GHRHR: variants seen among roughly 807,000 people sequenced by gnomAD.
The protein encoded by GHRHR is growth hormone-releasing hormone receptor.
A neutral mutation model predicts 58.3 loss-of-function variants in GHRHR; 40 were observed. The observed-to-expected ratio is 0.69, with a 90% CI of 0.53 to 0.89. GHRHR has a LOEUF of 0.89. GHRHR is among the 40% of genes least tolerant of loss of function. The probability of loss-of-function intolerance (pLI) is 0.00; values close to 1 mark genes in which losing one functional copy is unlikely to be tolerated. For synonymous variants in GHRHR, 249 were observed against 216.6 expected, an observed-to-expected ratio of 1.15 and a Z score of -1.31; for missense variants, 551 against 541.3, an observed-to-expected ratio of 1.02 and a Z score of -0.18.
intron 10 of GHRHR, among the ~76,000 whole-genome samples, chr7:30,976,227 G>T (rs1011803516): frequency 2.0e-5 from 3 of 152,136 alleles, no homozygotes; most frequent in African/African-American, 7.2e-5. Flanking sequence ...ATAAACTGGG[G>T]CAATAACAGT....
At chr7:30,974,669 G>A (rs1262983259) in intron 8 of GHRHR, among the ~76,000 whole-genome samples, 180 bp downstream of exon 8, 13 of 152,064 alleles carry the variant, frequency 8.5e-5, no homozygotes, top group Non-Finnish European at 1.8e-4. Context: ...AGGCAGGAGA[G>A]TGGAGCTCAG....
chr7:30,969,718 G>T, intron 3 of GHRHR, 149 bp from the exon 4 acceptor site: 2 of 784,702 alleles, frequency 2.5e-6, no homozygotes, highest in African/African-American at 1.7e-5. Flanking sequence ...CTAGACCTGG[G>T]CCCCAGGCCT....
In GHRHR at chr7:30,979,418, T is replaced by G; in HGVS notation, c.*174T>G. 1.6e-6 allele frequency: 1 copy of G among 641,244 alleles called. No individual in the cohort carries two copies. The highest frequency in any genetic ancestry group is 2.8e-6 in the Non-Finnish European group (1 of 353,064). 39.7% of individuals were successfully genotyped at this position (641,244 alleles called of 1,614,324 possible). Reference sequence around the variant, plus strand: ...CTGACTCTCTTTTGAGGTCCCTGTATGTCTACCTCTGACTTCTGTGGTCCC... The same window carrying G: ...CTGACTCTCTTTTGAGGTCCCTGTAGGTCTACCTCTGACTTCTGTGGTCCC... On this transcript the variant is annotated 3_prime_UTR_variant, in exon 13 of 13. Coordinates refer to ENST00000326139, the MANE Select transcript of GHRHR (RefSeq NM_000823.4).
At chr7:30,977,155 C>T in intron 11 of GHRHR, 126 bp from the exon 12 acceptor site, 1 of 870,784 alleles carries the variant, frequency 1.1e-6, no homozygotes, top group Non-Finnish European at 2.0e-6. Context: ...TTAAATTCCC[C>T]TTTCAATCAA....
chr7:30,965,859 C>CGGA (rs947982511), intron 1 of GHRHR, among the ~76,000 whole-genome samples: 10 of 152,226 alleles, frequency 6.6e-5, no homozygotes, highest in Middle Eastern at 3.2e-3. Flanking sequence ...TCTTCCTTCC[C>CGGA]CGCTTTGTGC....
rs373359520 is a variant in GHRHR at position 30,965,102 on chromosome 7, CG to C, written c.57+980del. ...TTAAAAGAGAAAATATCCGCTGGCC[CG>C]GGTCACTGTGCATTGAGTGGAATCT... On this transcript the variant is annotated intron_variant, in intron 1 of 12. Transcript: ENST00000326139. Among the ~76,000 whole-genome samples the C allele has an allele frequency of 4.4e-3, 676 of 152,266 alleles. 6 individuals are homozygous for C. The highest frequency in any genetic ancestry group is 0.015 in the African/African-American group (637 of 41,542).
rs974142996 is a variant in GHRHR at position 30,974,065 on chromosome 7, C to T, written c.678C>T (p.Tyr226=). The change falls in exon 7 of 13, where the codon TAC becomes TAT. Residue 226 remains tyrosine (Y), a synonymous_variant. Coordinates refer to ENST00000326139, the MANE Select transcript of GHRHR (RefSeq NM_000823.4). ...NFSWLLAEAV[Y]LNCLLASTSP... is the part of the protein sequence containing the mutation. Reference sequence around the variant, plus strand: ...GCTGGCTGTTGGCAGAAGCCGTCTACCTGAACTGCCTCCTGGCCTCCACCT... The same window carrying T: ...GCTGGCTGTTGGCAGAAGCCGTCTATCTGAACTGCCTCCTGGCCTCCACCT... 1 of 1,614,118 alleles carries T rather than the reference C, an allele frequency of 6.2e-7. No individual in the cohort carries two copies. The highest frequency in any genetic ancestry group is 8.5e-7 in the Non-Finnish European group (1 of 1,179,994).
chr7:30,966,090 G>A (rs1160377691), intron 1 of GHRHR, among the ~76,000 whole-genome samples: 1 of 152,216 alleles, frequency 6.6e-6, no homozygotes, highest in Non-Finnish European at 1.5e-5. Context: ...CATGGGGTCA[G>A]CAGGGCGGGA....
rs753601167 is a variant in GHRHR at position 30,969,884 on chromosome 7, T to C, written c.286T>C (p.Cys96Arg). ...CCTCCCAGGGGCTGTGAAACGGGAT[T>C]GTACTATCACTGGCTGGTCTGAGCC... is the stretch of plus-strand genomic sequence containing the variant. ...SSESGAVKRD[C>R]TITGWSEPFP... Residue 96 changes from cysteine to arginine, a missense_variant, in exon 4 of 13, where the codon TGT (cysteine) becomes CGT (arginine). Physicochemically the swap from Cys to Arg is radical, Grantham distance 180. Transcript: ENST00000326139. 3.7e-6 allele frequency: 6 copies of C among 1,612,362 alleles called. No individual in the cohort carries two copies. The highest frequency in any genetic ancestry group is 1.7e-5 in the Admixed American group (1 of 59,998).
At chr7:30,972,240 C>A in intron 6 of GHRHR, 145 bp downstream of exon 6, 1 of 795,864 alleles carries the variant, frequency 1.3e-6, no homozygotes, top group South Asian at 1.6e-5. Flanking sequence ...GGAAAATGCT[C>A]CTTTCCCATG....
At chr7:30,977,810 G>A (rs768201339) in intron 12 of GHRHR, among the ~76,000 whole-genome samples, 7 of 152,274 alleles carry the variant, frequency 4.6e-5, no homozygotes, top group South Asian at 4.1e-4. Context: ...AACAGAGAGA[G>A]CACCTAAAGA....
At chr7:30,978,754 C>A (rs541502860) in intron 12 of GHRHR, among the ~76,000 whole-genome samples, 1 of 152,264 alleles carries the variant, frequency 6.6e-6, no homozygotes, top group Admixed American at 6.5e-5. Context: ...TTTCCAGTGG[C>A]CAGAGTTGAG....
Position 30,968,816 on chromosome 7 carries a change from G to T in GHRHR, c.58-18G>T. 2 of 1,586,152 alleles carry T rather than the reference G, an allele frequency of 1.3e-6. No homozygotes were observed. Among genetic ancestry groups the T allele is most frequent in the Non-Finnish European group, 1.7e-6 (2 of 1,154,662 alleles). On this transcript the variant is annotated intron_variant, in intron 1 of 12. Coordinates refer to ENST00000326139, the MANE Select transcript of GHRHR (RefSeq NM_000823.4). ...ACACCCAAATGGCTTGGCTCATCCT[G>T]TTCACTGTTTCCAGCAGGTATTGGG...
rs749124863 is a variant in GHRHR at position 30,976,379 on chromosome 7, G to A, written c.975-50G>A. 5.7e-6 allele frequency: 9 copies of A among 1,584,356 alleles called. No individual in the cohort carries two copies. In the East Asian group the frequency reaches 6.7e-5, roughly 12 times the overall value. On this transcript the variant is annotated intron_variant, in intron 10 of 12. Transcript: ENST00000326139. ...AAGTGAGAGGAGATGAAGTGCACAC[G>A]ACAGTTTCTAATCCCAGTCTTGGGA...
intron 12 of GHRHR, 87 bp from the exon 13 acceptor site, chr7:30,979,032 G>A (rs1049463772): frequency 9.5e-6 from 12 of 1,264,972 alleles, no homozygotes; most frequent in Middle Eastern, 1.9e-4. Flanking sequence ...TCTCTTACAC[G>A]GCCTCTCCCT....
intron 3 of GHRHR, 56 bp downstream of exon 3, chr7:30,969,226 C>G: frequency 8.4e-7 from 1 of 1,190,158 alleles, no homozygotes; most frequent in Non-Finnish European, 1.2e-6. Flanking sequence ...CTGGAAGTGG[C>G]AGAATCATCA....
At position 30,969,961 on chromosome 7, in the gene GHRHR, G is replaced by T. The variant is rs4988498; in HGVS notation, c.363G>T (p.Glu121Asp). The T allele has an allele frequency of 0.054, 64,222 of 1,190,478 alleles. 2,189 individuals carry two copies. The highest frequency in any genetic ancestry group is 0.14 in the African/African-American group (9,151 of 67,118). 73.7% of individuals were successfully genotyped at this position (1,190,478 alleles called of 1,614,324 possible). ...CTGTGCCTCTGGAGCTGCTGGCTGAGGAGGTAAGAGTCTTCTGGCATCTTG... is the reference window on the plus strand; with the variant it reads ...CTGTGCCTCTGGAGCTGCTGGCTGATGAGGTAAGAGTCTTCTGGCATCTTG... ...ACPVPLELLA[E>D]EESYFSTVKI... Residue 121 changes from glutamate (E) to aspartate (D), a missense_variant, in exon 4 of 13, where the codon GAG becomes GAT. Glu to Asp is a conservative substitution (Grantham distance 45). Coordinates refer to ENST00000326139, the MANE Select transcript of GHRHR (RefSeq NM_000823.4).
At position 30,968,886 on chromosome 7, in the gene GHRHR, A is replaced by G; in HGVS notation, c.110A>G (p.Asp37Gly). Residue 37 changes from aspartate (D) to glycine (G), a missense_variant, in exon 2 of 13, where the codon GAT (aspartate) becomes GGT (glycine). By Grantham distance (94) the Asp-to-Gly change is moderately conservative. Transcript: ENST00000326139. ...GACTTCATCACCCAGCTGAGAGAGG[A>G]TGAGAGTGCCTGTCTACAAGCAGCA... ...ECDFITQLRE[D>G]ESACLQAAEE... 1 of 1,613,858 alleles carries G rather than the reference A, an allele frequency of 6.2e-7. No homozygotes were observed. The highest frequency in any genetic ancestry group is 8.5e-7 in the Non-Finnish European group (1 of 1,179,864).
chr7:30,966,909 T>A lies in GHRHR; in HGVS notation c.58-1925T>A, dbSNP rs191339959. Among the ~76,000 whole-genome samples the A allele has an allele frequency of 2.6e-5, 4 of 152,334 alleles. No homozygotes were observed. The East Asian group carries it at 7.7e-4, about 29-fold the overall frequency. ...CGCCTACCTTGGCCTCCCAAAGTGC[T>A]GGGATTACAGGCATGAGCCACTGCG... is the stretch of plus-strand genomic sequence containing the variant. On this transcript the variant is annotated intron_variant, in intron 1 of 12. Coordinates refer to ENST00000326139, the MANE Select transcript of GHRHR (RefSeq NM_000823.4).
Sources: allele counts gnomAD v4.1 joint callset (sites outside exome capture counted in the v4.1 genomes callset), GRCh38; gene constraint gnomAD v4.1.1; transcripts MANE v1.5; gene names NCBI Gene and HGNC (gene_info 2026-07-23, HGNC 2026-07-21).